Variants in CDYL observed in about 807,000 individuals in gnomAD.
The protein encoded by CDYL is chromodomain Y like.
CDYL carries 8 observed loss-of-function variants against 47.3 expected under a neutral mutation model. The observed-to-expected ratio is 0.17, with a 90% CI of 0.10 to 0.31. The LOEUF is 0.31. CDYL is among the 10% of genes least tolerant of loss of function. CDYL has a pLI of 1.00. For synonymous variants in CDYL, 266 were observed against 265.0 expected (o/e 1.00, Z -0.04); for missense variants, 471 against 701.4 (o/e 0.67, Z 3.71).
chr6:4,904,601 T>G (rs1561700139), intron 2 of CDYL, among the ~76,000 whole-genome samples: 1 of 152,232 alleles, frequency 6.6e-6, no homozygotes, highest in Non-Finnish European at 1.5e-5. Flanking sequence ...CCTCCCTACT[T>G]TATTATTTAA....
intron 3 of CDYL, among the ~76,000 whole-genome samples, chr6:4,753,864 A>G (rs1211993824): frequency 6.6e-6 from 1 of 152,138 alleles, no homozygotes; most frequent in Non-Finnish European, 1.5e-5. Flanking sequence ...CCACTAGGAA[A>G]CTTGGGGCCA....
At chr6:4,823,097 T>G (rs574526741) in intron 1 of CDYL, among the ~76,000 whole-genome samples, 1 of 152,346 alleles carries the variant, frequency 6.6e-6, no homozygotes, top group African/African-American at 2.4e-5. Flanking sequence ...CTTAACAAAT[T>G]GTAACATTTT....
intron 1 of CDYL, among the ~76,000 whole-genome samples, chr6:4,785,899 C>T (rs941103493): frequency 2.0e-5 from 3 of 152,260 alleles, no homozygotes; most frequent in Non-Finnish European, 4.4e-5. Flanking sequence ...GGTGATGGCA[C>T]TCCAAGTCTT....
intron 1 of CDYL, among the ~76,000 whole-genome samples, chr6:4,780,263 T>A (rs751705193): frequency 2.5e-4 from 38 of 151,194 alleles, no homozygotes; most frequent in Non-Finnish European, 4.9e-4. Context: ...AGAGTCTTGC[T>A]CTATCTCCCA....
chr6:4,947,598 G>T (rs1273546245), intron 5 of CDYL, among the ~76,000 whole-genome samples: 1 of 152,162 alleles, frequency 6.6e-6, no homozygotes, highest in South Asian at 2.1e-4. Context: ...TGGCCTGTTG[G>T]GGGGTGGTCC....
intron 1 of CDYL, among the ~76,000 whole-genome samples, chr6:4,862,236 G>A (rs897344395): frequency 1.3e-5 from 2 of 152,294 alleles, no homozygotes; most frequent in Non-Finnish European, 2.9e-5. Context: ...TAGTCTGTAG[G>A]TTTTAGCTTT....
chr6:4,715,794 A>C, exon 2 of CDYL: 1 of 1,614,220 alleles, frequency 6.2e-7, no homozygotes, highest in Non-Finnish European at 8.5e-7. Flanking sequence ...ATTTCAGGCA[A>C]GCCACAGGTC....
chr6:4,735,131 A>G (rs1332315443), intron 3 of CDYL, among the ~76,000 whole-genome samples: 1 of 152,100 alleles, frequency 6.6e-6, no homozygotes, highest in Non-Finnish European at 1.5e-5. Flanking sequence ...TACTAAAAAT[A>G]CAAAATTTGC....
At chr6:4,924,822 G>A (rs1358112701) in intron 2 of CDYL, among the ~76,000 whole-genome samples, 1 of 152,176 alleles carries the variant, frequency 6.6e-6, no homozygotes, top group Non-Finnish European at 1.5e-5. Flanking sequence ...AAGCTACAGG[G>A]CTTATGGGGG....
At chr6:4,900,779 G>GTGTA in intron 2 of CDYL, among the ~76,000 whole-genome samples, 4 of 51,714 alleles carry the variant, frequency 7.7e-5, no homozygotes, top group African/African-American at 2.5e-4. Context: ...GTATACGTGT[G>GTGTA]TATATATATA....
At chr6:4,719,683 C>CA (rs1757333840) in intron 2 of CDYL, among the ~76,000 whole-genome samples, 1 of 152,146 alleles carries the variant, frequency 6.6e-6, no homozygotes. Flanking sequence ...TGATAGACTT[C>CA]AAAGTCAACC....
At chr6:4,871,963 A>G (rs1761487308) in intron 1 of CDYL, among the ~76,000 whole-genome samples, 1 of 152,212 alleles carries the variant, frequency 6.6e-6, no homozygotes, top group Admixed American at 6.5e-5. Flanking sequence ...ATCTCTGTGC[A>G]GGAGTTGCAG....
intron 1 of CDYL, among the ~76,000 whole-genome samples, chr6:4,875,575 C>A (rs991537085): frequency 3.5e-4 from 53 of 152,196 alleles, no homozygotes; most frequent in African/African-American, 1.3e-3. Flanking sequence ...ACCTCACTTT[C>A]AGTTTACAAC....
At chr6:4,852,468 C>A in intron 1 of CDYL, among the ~76,000 whole-genome samples, 1 of 123,330 alleles carries the variant, frequency 8.1e-6, no homozygotes, top group Non-Finnish European at 1.7e-5. Flanking sequence ...TCCTTCCTTC[C>A]AATCTTCCTT....
At chr6:4,726,010 G>A (rs948232685) in intron 2 of CDYL, among the ~76,000 whole-genome samples, 3 of 151,926 alleles carry the variant, frequency 2.0e-5, no homozygotes, top group African/African-American at 4.9e-5. Context: ...AAGGGCGACT[G>A]AAATTTACAG....
rs79516711 is a variant in CDYL at position 4,810,648 on chromosome 6, A to C, written c.24+33841A>C. Among the ~76,000 whole-genome samples, 7 of 152,338 alleles carry C rather than the reference A, an allele frequency of 4.6e-5. No homozygotes were observed. In the East Asian group the frequency reaches 1.3e-3, roughly 29 times the overall value. On this transcript the variant is annotated intron_variant, in intron 1 of 6. Coordinates refer to ENST00000397588, the MANE Select transcript of CDYL (RefSeq NM_004824.4). ...AAATACTATAAACTGGGAGGCTTAG[A>C]AATAACATAAATGTATGCTCATAGT... is the stretch of plus-strand genomic sequence containing the variant.
intron 2 of CDYL, among the ~76,000 whole-genome samples, chr6:4,910,208 T>G (rs1244827299): frequency 6.6e-6 from 1 of 152,126 alleles, no homozygotes; most frequent in African/African-American, 2.4e-5. Context: ...CTGCGGGAAG[T>G]TAGGCAGCAC....
chr6:4,944,123 G>A (rs558034609), intron 5 of CDYL, among the ~76,000 whole-genome samples: 7 of 152,330 alleles, frequency 4.6e-5, no homozygotes, highest in African/African-American at 1.7e-4. Context: ...GGATTAGAGG[G>A]TTGTCGTCCA....
At chr6:4,862,439 A>G (rs560457539) in intron 1 of CDYL, among the ~76,000 whole-genome samples, 19 of 152,116 alleles carry the variant, frequency 1.2e-4, no homozygotes, top group Non-Finnish European at 2.4e-4. Context: ...TTTTGTGGAG[A>G]GTAATTTTTA....
Sources: gnomAD v4.1 joint callset for allele counts (sites outside exome capture counted in the v4.1 genomes callset) on GRCh38, gnomAD v4.1.1 for gene constraint, MANE v1.5 for transcripts, NCBI Gene and HGNC (gene_info 2026-07-23, HGNC 2026-07-21) for gene names.